NIPBL: variants seen among roughly 807,000 people sequenced by gnomAD.
The protein encoded by NIPBL is nipped-B-like protein.
A neutral mutation model predicts 321.8 loss-of-function variants in NIPBL; 19 were observed. The ratio of observed to expected loss-of-function variants is 0.06; its 90% CI spans 0.04 to 0.09. The LOEUF (loss-of-function observed/expected upper bound fraction) is 0.09, where lower values mean the gene tolerates loss of function less well. Among genes scored for constraint, NIPBL ranks in the 10% least tolerant of loss-of-function variants. The pLI, the probability that NIPBL is intolerant of heterozygous loss-of-function variation, is 1.00. For synonymous variants in NIPBL, 1,106 were observed against 1,114.1 expected (o/e 0.99, Z 0.14); for missense variants, 2,210 against 3,327.0 (o/e 0.66, Z 8.26).
chr5:37,000,039 A>G (rs995388803), intron 11 of NIPBL, among the ~76,000 whole-genome samples: 1 of 152,176 alleles, frequency 6.6e-6, no homozygotes, highest in Non-Finnish European at 1.5e-5. Flanking sequence ...TACAGCCTCA[A>G]TTAATCTTGA....
At chr5:36,903,073 G>A (rs1443787062) in intron 1 of NIPBL, among the ~76,000 whole-genome samples, 1 of 152,054 alleles carries the variant, frequency 6.6e-6, no homozygotes, top group Non-Finnish European at 1.5e-5. Flanking sequence ...CAGCTTGGAC[G>A]TCATTGGTTT....
Position 36,995,778 on chromosome 5 carries a change from A to T in NIPBL, c.3278A>T (p.Asp1093Val). 1 of 1,613,616 alleles carries T rather than the reference A, an allele frequency of 6.2e-7. No homozygotes were observed. The highest frequency in any genetic ancestry group is 1.1e-5 in the South Asian group (1 of 91,066). The change falls in exon 11 of 47, where the codon GAT becomes GTT. Residue 1093 changes from aspartate to valine, a missense_variant. Transcript: ENST00000282516. ...PKYAEISSDEDNDSDEAFESS... is the reference protein window; with the variant it reads ...PKYAEISSDEVNDSDEAFESS... ...TATGCTGAAATCAGTTCAGATGAAG[A>T]TAATGATAGTGATGAAGCTTTTGAA...
In NIPBL at chr5:37,063,786, G is replaced by A. The variant is rs999187364; in HGVS notation, c.7861-4G>A. ...AATTCTGAAATAATATCTGTTTTTT[G>A]TAGTTCAAACTTCTCATGGAACATC... is the stretch of plus-strand genomic sequence containing the variant. On this transcript the variant is annotated splice_region_variant and splice_polypyrimidine_tract_variant and intron_variant, in intron 45 of 46. Transcript: ENST00000282516. 6.2e-7 allele frequency: 1 copy of A among 1,610,652 alleles called. No individual in the cohort carries two copies. The highest frequency in any genetic ancestry group is 8.5e-7 in the Non-Finnish European group (1 of 1,178,334).
intron 32 of NIPBL, among the ~76,000 whole-genome samples, chr5:37,027,653 C>CT (rs371180275): frequency 8.1e-6 from 1 of 122,900 alleles, no homozygotes; most frequent in African/African-American, 3.2e-5. Context: ...CTCTCTCACT[C>CT]TGTCGCCCAG....
chr5:37,038,484 A>G (rs1357195063), intron 33 of NIPBL, 118 bp from the exon 34 acceptor site: 1 of 760,638 alleles, frequency 1.3e-6, no homozygotes, highest in African/African-American at 1.8e-5. Context: ...AATTCATTAT[A>G]TTGAGGCCTA....
chr5:37,047,984 A>G (rs191348849), intron 38 of NIPBL, among the ~76,000 whole-genome samples: 1 of 152,276 alleles, frequency 6.6e-6, no homozygotes, highest in African/African-American at 2.4e-5. Context: ...AAATGAATAT[A>G]TTTTAATTTT....
At chr5:36,944,650 C>CA (rs1476726900) in intron 1 of NIPBL, among the ~76,000 whole-genome samples, 2 of 151,700 alleles carry the variant, frequency 1.3e-5, no homozygotes, top group African/African-American at 4.8e-5. Context: ...AGTATTTAAA[C>CA]AAAAAACCAC....
chr5:36,946,212 A>G (rs1561062119), intron 1 of NIPBL, among the ~76,000 whole-genome samples: 1 of 151,914 alleles, frequency 6.6e-6, no homozygotes, highest in Non-Finnish European at 1.5e-5. Flanking sequence ...TGGCAGGGCA[A>G]TTCTAAGGTC....
chr5:36,887,915 T>C (rs1317037552), intron 1 of NIPBL, among the ~76,000 whole-genome samples: 1 of 152,200 alleles, frequency 6.6e-6, no homozygotes, highest in East Asian at 1.9e-4. Context: ...AAAAAATACA[T>C]GAAGTAGGTT....
chr5:36,947,330 A>T (rs998394675), intron 1 of NIPBL, among the ~76,000 whole-genome samples: 3 of 152,068 alleles, frequency 2.0e-5, no homozygotes, highest in African/African-American at 7.2e-5. Context: ...GAACAAGTCC[A>T]AAATCACACC....
At chr5:37,036,814 C>T (rs977476666) in intron 33 of NIPBL, among the ~76,000 whole-genome samples, 3 of 151,708 alleles carry the variant, frequency 2.0e-5, no homozygotes, top group Non-Finnish European at 4.4e-5. Flanking sequence ...TAATGATACT[C>T]ATCACAAAAC....
Position 37,065,368 on chromosome 5 carries a change from G to A in NIPBL, c.*476G>A, listed in dbSNP as rs1755272441. 6.3e-6 allele frequency: 1 copy of A among 159,800 alleles called. No homozygotes were observed. The highest frequency in any genetic ancestry group is 6.2e-5 in the Admixed American group (1 of 16,066). The allele number at this position is 159,800 out of a possible 1,614,324, so 9.9% of individuals were successfully genotyped here. A position where few individuals can be genotyped will look rare whatever the true frequency, so the allele number is the denominator to read the frequency against. On this transcript the variant is annotated 3_prime_UTR_variant, in exon 47 of 47. Transcript: ENST00000282516. ...AAAAAAAAAAGCATGCAGTATCTATGACCTATCTGCAGAAGGAGTTTTTGT... is the reference window on the plus strand; with the variant it reads ...AAAAAAAAAAGCATGCAGTATCTATAACCTATCTGCAGAAGGAGTTTTTGT...
chr5:37,008,563 T>C (rs1280291932), intron 19 of NIPBL, 60 bp from the exon 20 acceptor site: 22 of 877,258 alleles, frequency 2.5e-5, no homozygotes, highest in South Asian at 9.7e-5. Flanking sequence ...TCACATGATA[T>C]TATTTTTTGG....
In NIPBL at chr5:36,976,273, C is replaced by G; in HGVS notation, c.1366C>G (p.Gln456Glu). The G allele has an allele frequency of 6.2e-7, 1 of 1,613,768 alleles. No individual in the cohort carries two copies. The highest frequency in any genetic ancestry group is 2.2e-5 in the East Asian group (1 of 44,866). Residue 456 changes from glutamine to glutamate, a missense_variant, in exon 9 of 47, where the codon CAA (glutamine) becomes GAA (glutamate). By Grantham distance (29) the Gln-to-Glu change is conservative. This residue lies in a region of NIPBL where 464 missense variants were observed against 529.5 expected (regional missense o/e 0.88). Coordinates refer to ENST00000282516, the MANE Select transcript of NIPBL (RefSeq NM_133433.4). ...KQPQTSVVQN[Q>E]QQISQQGPIY... ...ACCCCAGACTTCTGTGGTACAGAAT[C>G]AACAACAGATATCACAACAGGGACC...
chr5:37,064,120 A>C, intron 46 of NIPBL, 142 bp downstream of exon 46: 1 of 1,449,462 alleles, frequency 6.9e-7, no homozygotes. Flanking sequence ...GAGATTCTCT[A>C]CTTACCCGTT....
chr5:36,918,230 G>C (rs991183102), intron 1 of NIPBL, among the ~76,000 whole-genome samples: 2 of 152,042 alleles, frequency 1.3e-5, no homozygotes, highest in Non-Finnish European at 2.9e-5. Context: ...TCCTTGAAGA[G>C]GTCCTTCACA....
intron 37 of NIPBL, 100 bp from the exon 38 acceptor site, chr5:37,046,009 A>G (rs897090315): frequency 4.3e-6 from 3 of 692,780 alleles, no homozygotes; most frequent in Non-Finnish European, 7.8e-6. Context: ...AATAAAGTTC[A>G]CACAAATTCT....
intron 3 of NIPBL, among the ~76,000 whole-genome samples, chr5:36,956,598 G>A (rs1740974597): frequency 1.4e-5 from 2 of 143,562 alleles, no homozygotes; most frequent in Non-Finnish European, 3.0e-5. Context: ...CAAAAATTCA[G>A]CAATATCTAA....
At chr5:36,958,955 C>T (rs1033386863) in intron 4 of NIPBL, among the ~76,000 whole-genome samples, 2 of 151,976 alleles carry the variant, frequency 1.3e-5, no homozygotes, top group Non-Finnish European at 2.9e-5. Flanking sequence ...GCCTGTAATC[C>T]CAGCACTTTT....
Sources: allele counts gnomAD v4.1 joint callset (sites outside exome capture counted in the v4.1 genomes callset), GRCh38; gene constraint gnomAD v4.1.1; regional missense constraint gnomAD v4.1.1; transcripts MANE v1.5; gene names NCBI Gene and HGNC (gene_info 2026-07-23, HGNC 2026-07-21).